Variants in MKKS observed in about 807,000 individuals in gnomAD.
MKKS encodes molecular chaperone MKKS.
A neutral mutation model predicts 33.2 loss-of-function variants in MKKS; 29 were observed. The ratio of observed to expected loss-of-function variants is 0.87; its 90% CI spans 0.65 to 1.19. The LOEUF (loss-of-function observed/expected upper bound fraction) is 1.19. MKKS is among the 50% of genes most tolerant of loss of function. The pLI is 0.00. For missense variants in MKKS, 661 were observed against 662.3 expected (o/e 1.00, Z 0.02); for synonymous variants, 260 against 244.0 (o/e 1.07, Z -0.61).
intron 1 of MKKS, among the ~76,000 whole-genome samples, chr20:10,427,968 A>T (rs1307487431): frequency 6.6e-6 from 1 of 152,248 alleles, no homozygotes; most frequent in Non-Finnish European, 1.5e-5. Flanking sequence ...CAGAAGGCCG[A>T]AACAGGTATG....
intron 1 of MKKS, among the ~76,000 whole-genome samples, chr20:10,426,752 T>C (rs2065016944): frequency 1.3e-5 from 2 of 152,304 alleles, no homozygotes; most frequent in South Asian, 4.1e-4. Context: ...ACAGCTGTCA[T>C]TTCACTTGTC....
At position 10,413,829 on chromosome 20, in the gene MKKS, A is replaced by G. The variant is rs1040266014; in HGVS notation, c.-315T>C. 2 of 471,700 alleles carry G rather than the reference A, an allele frequency of 4.2e-6. No individual in the cohort carries two copies. The highest frequency in any genetic ancestry group is 7.5e-6 in the Non-Finnish European group (2 of 268,088). 29.2% of individuals were successfully genotyped at this position (471,700 alleles called of 1,614,324 possible). ...AAAGTATGTTCCAAGATGGACACCT[A>G]TGAAAGATATCCCAGCTACAAGAAG... On this transcript the variant is annotated 5_prime_UTR_variant, in exon 3 of 6. Coordinates refer to ENST00000347364, the MANE Select transcript of MKKS (RefSeq NM_170784.3).
chr20:10,401,564 C>T lies in MKKS; in HGVS notation c.*3683G>A, dbSNP rs1431890807. The T allele has an allele frequency of 6.6e-6, 1 of 152,122 alleles. No homozygotes were observed. Among genetic ancestry groups the T allele is most frequent in the Non-Finnish European group, 1.5e-5 (1 of 68,022 alleles). The allele number at this position is 152,122 out of a possible 1,614,324, so 9.4% of individuals were successfully genotyped here. On this transcript the variant is annotated 3_prime_UTR_variant, in exon 6 of 6. Transcript: ENST00000347364. ...TAATTGTATGTTTTGTCAAGGCCTG[C>T]ATTGATTTTTTACATGATAATTTTA...
intron 1 of MKKS, among the ~76,000 whole-genome samples, chr20:10,426,701 A>T (rs1307613571): frequency 6.6e-6 from 1 of 152,252 alleles, no homozygotes; most frequent in Non-Finnish European, 1.5e-5. Context: ...GCCCCGTGGC[A>T]TGTCCTTGGC....
In MKKS at chr20:10,401,145, G is replaced by A. The variant is rs967227279; in HGVS notation, c.*4102C>T. The A allele has an allele frequency of 6.6e-6, 1 of 151,996 alleles. No individual in the cohort carries two copies. 9.4% of individuals were successfully genotyped at this position (151,996 alleles called of 1,614,324 possible). A position where few individuals can be genotyped will look rare whatever the true frequency, so the allele number is the denominator to read the frequency against. On this transcript the variant is annotated 3_prime_UTR_variant, in exon 6 of 6. Transcript: ENST00000347364. ...AATATAGTATTCTATGGATTTTAGT[G>A]CGCCAAGACTAATCGTCTCTCCAAC...
intron 1 of MKKS, among the ~76,000 whole-genome samples, chr20:10,425,295 A>G (rs2065008237): frequency 6.6e-6 from 1 of 152,218 alleles, no homozygotes; most frequent in South Asian, 2.1e-4. Context: ...TAATGGCGAT[A>G]TCCTAATTTG....
intron 2 of MKKS, among the ~76,000 whole-genome samples, chr20:10,416,932 C>T (rs1368303172): frequency 6.6e-6 from 1 of 152,118 alleles, no homozygotes; most frequent in African/African-American, 2.4e-5. Flanking sequence ...GGTATAGACA[C>T]TATATGATCT....
chr20:10,426,690 C>T (rs908562833), intron 1 of MKKS, among the ~76,000 whole-genome samples: 35 of 152,196 alleles, frequency 2.3e-4, no homozygotes, highest in African/African-American at 6.3e-4. Context: ...GAGCCATGCA[C>T]GCCCCGTGGC....
intron 1 of MKKS, among the ~76,000 whole-genome samples, chr20:10,430,350 C>T (rs938888641): frequency 2.6e-5 from 4 of 152,206 alleles, no homozygotes; most frequent in African/African-American, 9.7e-5. Flanking sequence ...GCTTCAGTTC[C>T]ATTGTGTGTA....
intron 1 of MKKS, among the ~76,000 whole-genome samples, chr20:10,430,067 T>C (rs2065044142): frequency 6.6e-6 from 1 of 152,190 alleles, no homozygotes; most frequent in Non-Finnish European, 1.5e-5. Context: ...ACAAATCTGG[T>C]TGTATTCCTG....
chr20:10,408,082 T>C (rs1468066567), intron 4 of MKKS, among the ~76,000 whole-genome samples: 1 of 152,198 alleles, frequency 6.6e-6, no homozygotes, highest in Non-Finnish European at 1.5e-5. Context: ...AATAAATTTA[T>C]TTTGAATGGA....
At chr20:10,405,830 G>A (rs2064839753) in intron 5 of MKKS, 143 bp from the exon 6 acceptor site, 6 of 837,848 alleles carry the variant, frequency 7.2e-6, no homozygotes, top group Middle Eastern at 3.4e-4. Context: ...CAATGCTAAC[G>A]GGCTTGTATG....
chr20:10,423,315 G>A (rs1049133023), intron 1 of MKKS, among the ~76,000 whole-genome samples: 3 of 152,096 alleles, frequency 2.0e-5, no homozygotes, highest in African/African-American at 7.2e-5. Flanking sequence ...GCTGCGTGGG[G>A]GGTGCTGAGG....
At chr20:10,419,220 A>C (rs1048124019) in intron 2 of MKKS, among the ~76,000 whole-genome samples, 6 of 152,148 alleles carry the variant, frequency 3.9e-5, no homozygotes, top group Non-Finnish European at 7.4e-5. Flanking sequence ...ATTCACCTCA[A>C]GGTTAAAAAG....
rs1441106610 is a variant in MKKS at position 10,407,712 on chromosome 20, C to T, written c.1176G>A (p.Thr392=). 11 of 1,613,420 alleles carry T rather than the reference C, an allele frequency of 6.8e-6. No homozygotes were observed. Among genetic ancestry groups the T allele is most frequent in the South Asian group, 2.2e-5 (2 of 91,014 alleles). ...AWDELKLTCQ[T]ALHVLQLTLK... ...GTGTTAACTGCAGGACATGCAGTGC[C>T]GTCTGACACGTGAGCTAAGAAAAAA... The change falls in exon 5 of 6, where the codon ACG becomes ACA. Residue 392 remains threonine (T), a synonymous_variant. Coordinates refer to ENST00000347364, the MANE Select transcript of MKKS (RefSeq NM_170784.3).
intron 1 of MKKS, among the ~76,000 whole-genome samples, chr20:10,422,912 C>T (rs1208426175): frequency 1.3e-5 from 2 of 151,862 alleles, no homozygotes; most frequent in Non-Finnish European, 1.5e-5. Context: ...AGGGTTTCAC[C>T]GTGTTAGCCA....
rs113994194 is a variant in MKKS, at chr20:10,413,588, C to G, written c.-74G>C. ...CATTTTTCTATTTATTGCATTATCA[C>G]GTTTTAACATTAAAAATTATTCTTT... On this transcript the variant is annotated 5_prime_UTR_variant, in exon 3 of 6. Coordinates refer to ENST00000347364, the MANE Select transcript of MKKS (RefSeq NM_170784.3). 1 of 1,485,928 alleles carries G rather than the reference C, an allele frequency of 6.7e-7. No homozygotes were observed. The allele number at this position is 1,485,928 out of a possible 1,614,324, so 92.0% of individuals were successfully genotyped here.
At chr20:10,433,877 C>G (rs1272424797) in intron 1 of MKKS, among the ~76,000 whole-genome samples, 1 of 152,178 alleles carries the variant, frequency 6.6e-6, no homozygotes, top group East Asian at 1.9e-4. Flanking sequence ...AAGACCTCCT[C>G]GCCGCCCGCA....
intron 1 of MKKS, among the ~76,000 whole-genome samples, chr20:10,421,718 TAGACAA>T (rs781680234): frequency 1.7e-3 from 257 of 152,140 alleles, no homozygotes; most frequent in Non-Finnish European, 3.5e-3. Flanking sequence ...CGACCTAGTT[TAGACAA>T]AGAAACTGGG....
Sources: gnomAD v4.1 joint callset for allele counts (sites outside exome capture counted in the v4.1 genomes callset) on GRCh38, gnomAD v4.1.1 for gene constraint, MANE v1.5 for transcripts, NCBI Gene and HGNC (gene_info 2026-07-23, HGNC 2026-07-21) for gene names.